The following DIP2A variants were observed in gnomAD, a reference collection of about 807,000 sequenced individuals.
DIP2A encodes the protein disco-interacting protein 2 homolog A.
In DIP2A, 85 loss-of-function variants were observed where a neutral mutation model predicts 177.4. The observed-to-expected ratio is 0.48, with a 90% CI of 0.40 to 0.57. The LOEUF (loss-of-function observed/expected upper bound fraction) is 0.57. Ranked by LOEUF, DIP2A falls within the 20% of genes least tolerant of loss-of-function variation. DIP2A has a pLI of 0.00. For synonymous variants in DIP2A, 886 were observed against 881.8 expected, an observed-to-expected ratio of 1.00 and a Z score of -0.08; for missense variants, 1,791 against 2,100.2, an observed-to-expected ratio of 0.85 and a Z score of 2.88.
chr21:46,488,920 T>A (rs2056844359), intron 2 of DIP2A, among the ~76,000 whole-genome samples: 1 of 152,244 alleles, frequency 6.6e-6, no homozygotes, highest in African/African-American at 2.4e-5. Flanking sequence ...GAAGTCCGTC[T>A]GTGTATATGT....
At chr21:46,473,471 G>T (rs1037934788) in intron 1 of DIP2A, among the ~76,000 whole-genome samples, 17 of 148,266 alleles carry the variant, frequency 1.1e-4, no homozygotes, top group African/African-American at 3.2e-4. Flanking sequence ...AAAAAAAGGG[G>T]GGGGGGCCAT....
intron 19 of DIP2A, 24 bp from the exon 20 acceptor site, chr21:46,545,857 C>T (rs754182459): frequency 7.9e-5 from 128 of 1,610,854 alleles, no homozygotes; most frequent in East Asian, 4.5e-4. Flanking sequence ...ACAGCCTGAT[C>T]GTGCCCCTCT....
Position 46,498,369 on chromosome 21 carries a change from C to T in DIP2A, c.404-213C>T, listed in dbSNP as rs923083583. Among the ~76,000 whole-genome samples the T allele has an allele frequency of 3.3e-5, 5 of 152,138 alleles. No individual in the cohort carries two copies. Among genetic ancestry groups the T allele is most frequent in the Admixed American group, 3.3e-4 (5 of 15,272 alleles). On this transcript the variant is annotated intron_variant, in intron 4 of 37. Coordinates refer to ENST00000417564, the MANE Select transcript of DIP2A (RefSeq NM_015151.4). This position sits in a 1 kb window ranked among gnomAD's most constrained non-coding sequence, Gnocchi z 4.3. ...TGAGTTCTCTCTGGGGAGCTGGGGGCTCATGGAATCATTTTCCCCACAGTA... is the reference window on the plus strand; with the variant it reads ...TGAGTTCTCTCTGGGGAGCTGGGGGTTCATGGAATCATTTTCCCCACAGTA...
chr21:46,501,365 T>A (rs1208854705), intron 5 of DIP2A, among the ~76,000 whole-genome samples: 3 of 152,184 alleles, frequency 2.0e-5, no homozygotes, highest in African/African-American at 4.8e-5. Flanking sequence ...CTTTTAATTA[T>A]AGTAGCTTAT....
In DIP2A at chr21:46,537,075, T is replaced by A. The variant is rs2059604755; in HGVS notation, c.1643-149T>A. ...AATTTGAATAGATAACCAGGATTAT[T>A]ATTAATTGGTATGTGGTATTTGGAA... On this transcript the variant is annotated intron_variant, in intron 13 of 37. Coordinates refer to ENST00000417564, the MANE Select transcript of DIP2A (RefSeq NM_015151.4). This position sits in a 1 kb window ranked among gnomAD's most constrained non-coding sequence, Gnocchi z 4.1. 2.6e-6 allele frequency: 2 copies of A among 765,138 alleles called. No individual in the cohort carries two copies. 47.4% of individuals were successfully genotyped at this position (765,138 alleles called of 1,614,324 possible).
intron 1 of DIP2A, among the ~76,000 whole-genome samples, chr21:46,472,798 T>C (rs1053511502): frequency 2.0e-5 from 3 of 152,102 alleles, no homozygotes; most frequent in Non-Finnish European, 2.9e-5. Flanking sequence ...TCCCTGTAGC[T>C]GGTTGGGTGT....
chr21:46,571,979 G>A (rs771834278), downstream of DIP2A, among the ~76,000 whole-genome samples: 3 of 152,140 alleles, frequency 2.0e-5, no homozygotes, highest in Non-Finnish European at 4.4e-5. Context: ...TCTTGTGCCG[G>A]TTTTCAAAGG....
At chr21:46,508,695 G>A (rs1416162309) in intron 6 of DIP2A, among the ~76,000 whole-genome samples, 1 of 151,940 alleles carries the variant, frequency 6.6e-6, no homozygotes, top group Non-Finnish European at 1.5e-5. Flanking sequence ...TCCTGAAAGG[G>A]ACTTGGATGC....
chr21:46,459,806 T>C (rs992611121), intron 1 of DIP2A, among the ~76,000 whole-genome samples: 2 of 152,106 alleles, frequency 1.3e-5, no homozygotes, highest in African/African-American at 4.8e-5. Flanking sequence ...GACCTTTCCC[T>C]ATCCCCAGCT....
chr21:46,556,323 C>T lies in DIP2A; in HGVS notation c.3498+232C>T, dbSNP rs565649054. The T allele has an allele frequency of 2.7e-6, 4 of 1,481,286 alleles. No individual in the cohort carries two copies. The highest frequency in any genetic ancestry group is 1.4e-5 in the African/African-American group (1 of 71,578). The allele number at this position is 1,481,286 out of a possible 1,614,324, so 91.8% of individuals were successfully genotyped here. A position where few individuals can be genotyped will look rare whatever the true frequency, so the allele number is the denominator to read the frequency against. On this transcript the variant is annotated intron_variant, in intron 29 of 37. Transcript: ENST00000417564. This position sits in a 1 kb window ranked among gnomAD's most constrained non-coding sequence, Gnocchi z 4.5. ...TATGTCTAAACTTTCTGATTTATGACTGTCTAGCTTACAGGAACTGGTGGC... is the reference window on the plus strand; with the variant it reads ...TATGTCTAAACTTTCTGATTTATGATTGTCTAGCTTACAGGAACTGGTGGC...
At chr21:46,577,039 T>G in the DIP2A span, among the ~76,000 whole-genome samples, 1 of 152,342 alleles carries the variant, frequency 6.6e-6, no homozygotes, top group East Asian at 1.9e-4. Flanking sequence ...CTTTGTCAGA[T>G]GAATAGATTG....
intron 1 of DIP2A, among the ~76,000 whole-genome samples, chr21:46,481,592 A>G (rs536433830): frequency 2.6e-5 from 4 of 152,292 alleles, no homozygotes; most frequent in East Asian, 3.9e-4. Flanking sequence ...ATGAGTTTCT[A>G]TTGCTTCACA....
At chr21:46,575,243 G>A in the DIP2A span, among the ~76,000 whole-genome samples, 1 of 151,744 alleles carries the variant, frequency 6.6e-6, no homozygotes, top group Non-Finnish European at 1.5e-5. Context: ...AATGATTAAA[G>A]AAAAAAACAA....
the DIP2A span, among the ~76,000 whole-genome samples, chr21:46,579,223 A>G: frequency 6.6e-6 from 1 of 152,162 alleles, no homozygotes; most frequent in Non-Finnish European, 1.5e-5. Flanking sequence ...AGTTTCTTCT[A>G]CATTTTCTAG....
intron 33 of DIP2A, chr21:46,561,208 G>T: frequency 3.5e-6 from 1 of 283,616 alleles, no homozygotes; most frequent in Non-Finnish European, 6.4e-6. Flanking sequence ...TGTGACATTT[G>T]GTTTTTAGAG....
chr21:46,564,935 G>A (rs1300593006), intron 35 of DIP2A, among the ~76,000 whole-genome samples: 1 of 152,254 alleles, frequency 6.6e-6, no homozygotes, highest in Non-Finnish European at 1.5e-5. Flanking sequence ...GAAATGGAGA[G>A]TCTGAGCCAG....
chr21:46,561,596 C>T (rs1426087294), intron 33 of DIP2A, 152 bp from the exon 34 acceptor site: 3 of 1,034,506 alleles, frequency 2.9e-6, no homozygotes, highest in Admixed American at 1.9e-5. Flanking sequence ...GGTGTCCCTG[C>T]CATTCATGGC....
intron 8 of DIP2A, among the ~76,000 whole-genome samples, chr21:46,517,068 T>C (rs1402094241): frequency 7.6e-6 from 1 of 132,094 alleles, no homozygotes; most frequent in African/African-American, 2.9e-5. Flanking sequence ...TTTTTTTTTT[T>C]TTTTTTTTTT....
intron 1 of DIP2A, among the ~76,000 whole-genome samples, chr21:46,476,338 T>C (rs936690400): frequency 6.6e-6 from 1 of 152,190 alleles, no homozygotes; most frequent in Non-Finnish European, 1.5e-5. Context: ...GGTTATACCA[T>C]GTTGTGGTAG....
Sources: allele counts gnomAD v4.1 joint callset (sites outside exome capture counted in the v4.1 genomes callset), GRCh38; gene constraint gnomAD v4.1.1; non-coding constraint Gnocchi (gnomAD v3.1); transcripts MANE v1.5; gene names NCBI Gene and HGNC (gene_info 2026-07-23, HGNC 2026-07-21).